The following ARMH3 variants were observed in gnomAD, a reference collection of about 807,000 sequenced individuals.
ARMH3 encodes armadillo like helical domain containing 3.
In ARMH3, 60 loss-of-function variants were observed where a neutral mutation model predicts 99.1. That is an observed-to-expected ratio of 0.61 (90% CI 0.49 to 0.75). The LOEUF is 0.75. ARMH3 is among the 30% of genes least tolerant of loss of function. ARMH3 has a pLI of 0.00. For missense variants in ARMH3, 679 were observed against 843.1 expected, an observed-to-expected ratio of 0.81 and a Z score of 2.41; for synonymous variants, 285 against 292.8, an observed-to-expected ratio of 0.97 and a Z score of 0.27.
At chr10:101,985,944 G>T (rs1307638154) in intron 19 of ARMH3, among the ~76,000 whole-genome samples, 8 of 151,962 alleles carry the variant, frequency 5.3e-5, no homozygotes, top group Non-Finnish European at 1.2e-4. Context: ...TTTGAACCTG[G>T]GGGGCGGAGG....
At chr10:101,860,620 G>C (rs1050731955) in intron 24 of ARMH3, among the ~76,000 whole-genome samples, 1 of 152,192 alleles carries the variant, frequency 6.6e-6, no homozygotes, top group Non-Finnish European at 1.5e-5. Flanking sequence ...TAATAATATG[G>C]ATTGCATATG....
chr10:101,942,479 T>C (rs1458070859), intron 22 of ARMH3, among the ~76,000 whole-genome samples: 1 of 152,264 alleles, frequency 6.6e-6, no homozygotes, highest in African/African-American at 2.4e-5. Context: ...ATGTCATTTA[T>C]GGTTCTGGGT....
intron 1 of ARMH3, among the ~76,000 whole-genome samples, chr10:102,053,968 T>A (rs1480555034): frequency 1.3e-5 from 2 of 152,210 alleles, no homozygotes; most frequent in African/African-American, 2.4e-5. Flanking sequence ...CAGTTCACCC[T>A]TATATATCCT....
In ARMH3 at chr10:101,994,894, G is replaced by A. The variant is rs184788672; in HGVS notation, c.1209+403C>T. ...TCTACTAAAATTACAAAAATTAGCC[G>A]GGCAAGGTGGCACTGCCTGTAATCC... On this transcript the variant is annotated intron_variant, in intron 16 of 25. Coordinates refer to ENST00000370033, the MANE Select transcript of ARMH3 (RefSeq NM_024541.3). 1.8e-3 allele frequency among the ~76,000 whole-genome samples: 272 copies of A among 152,216 alleles called. 3 individuals are homozygous for A. The highest frequency in any genetic ancestry group is 7.1e-4 in the Non-Finnish European group (48 of 68,012).
At chr10:101,916,295 C>T (rs1350083533) in intron 23 of ARMH3, among the ~76,000 whole-genome samples, 5 of 152,000 alleles carry the variant, frequency 3.3e-5, no homozygotes, top group African/African-American at 1.2e-4. Flanking sequence ...CTCAAAATAA[C>T]CCTCTCATCA....
chr10:102,010,301 C>CT (rs2066603424), intron 11 of ARMH3, among the ~76,000 whole-genome samples: 1 of 152,210 alleles, frequency 6.6e-6, no homozygotes, highest in Admixed American at 6.5e-5. Context: ...AAGCCTAGTA[C>CT]TTTTGTCCAA....
chr10:101,906,807 A>G (rs1159253684), intron 23 of ARMH3, among the ~76,000 whole-genome samples: 1 of 152,216 alleles, frequency 6.6e-6, no homozygotes, highest in Non-Finnish European at 1.5e-5. Flanking sequence ...CCATGCTGGT[A>G]GTAAAAACTG....
chr10:101,924,615 A>G (rs1843436167), intron 23 of ARMH3, among the ~76,000 whole-genome samples: 1 of 151,118 alleles, frequency 6.6e-6, no homozygotes, highest in South Asian at 2.1e-4. Flanking sequence ...TCGGCCTCCC[A>G]AAGTGTTGGG....
At chr10:102,040,165 T>C (rs902149895) in intron 1 of ARMH3, 40 bp from the exon 2 acceptor site, 4 of 1,490,210 alleles carry the variant, frequency 2.7e-6, no homozygotes, top group Non-Finnish European at 3.7e-6. Context: ...GTGAAAATAC[T>C]CAGTATGATA....
intron 24 of ARMH3, among the ~76,000 whole-genome samples, chr10:101,876,438 G>A (rs749511710): frequency 2.2e-4 from 33 of 151,956 alleles, no homozygotes; most frequent in Non-Finnish European, 4.4e-4. Flanking sequence ...AATTCAACAC[G>A]GGATCTCTGT....
At chr10:101,888,367 C>CA (rs1437213045) in intron 24 of ARMH3, among the ~76,000 whole-genome samples, 1 of 152,084 alleles carries the variant, frequency 6.6e-6, no homozygotes, top group Non-Finnish European at 1.5e-5. Flanking sequence ...GCTGGGCTCA[C>CA]AAAAGAGAAC....
At chr10:101,939,612 G>A (rs1220850070) in intron 23 of ARMH3, among the ~76,000 whole-genome samples, 1 of 152,202 alleles carries the variant, frequency 6.6e-6, no homozygotes, top group African/African-American at 2.4e-5. Flanking sequence ...TAGCATGCCT[G>A]AAAAGGGCTT....
chr10:101,898,542 A>AC (rs1214997675), intron 23 of ARMH3, among the ~76,000 whole-genome samples: 1 of 152,242 alleles, frequency 6.6e-6, no homozygotes, highest in Non-Finnish European at 1.5e-5. Context: ...TTCATTACTG[A>AC]GATACCTGAA....
intron 24 of ARMH3, among the ~76,000 whole-genome samples, chr10:101,853,469 G>A (rs1273657329): frequency 6.6e-6 from 1 of 152,184 alleles, no homozygotes; most frequent in Non-Finnish European, 1.5e-5. Flanking sequence ...CATGGTGAGG[G>A]CCACACTTAG....
At chr10:102,037,649 T>C (rs961150374) in intron 2 of ARMH3, among the ~76,000 whole-genome samples, 3 of 152,146 alleles carry the variant, frequency 2.0e-5, no homozygotes, top group African/African-American at 7.2e-5. Flanking sequence ...TATAGCTAGC[T>C]GCTGCCTTGA....
intron 15 of ARMH3, among the ~76,000 whole-genome samples, chr10:101,998,279 G>GGTTA (rs1847152919): frequency 6.6e-6 from 1 of 152,192 alleles, no homozygotes; most frequent in Non-Finnish European, 1.5e-5. Flanking sequence ...GAAAGGAAGA[G>GGTTA]GTTACCATTT....
At position 101,865,246 on chromosome 10, in the gene ARMH3, C is replaced by CA. The variant is rs529031144; in HGVS notation, c.1861-15355dup. ...AAAAAAACAAAAACAAACAAACAAA[C>CA]AAAAAGAGTAAGAAAACATTAAATA... On this transcript the variant is annotated intron_variant, in intron 24 of 25. Coordinates refer to ENST00000370033, the MANE Select transcript of ARMH3 (RefSeq NM_024541.3). 3.6e-3 allele frequency among the ~76,000 whole-genome samples: 540 copies of CA among 149,532 alleles called. 11 individuals carry two copies. The South Asian group carries it at 0.072, about 20-fold the overall frequency.
intron 19 of ARMH3, among the ~76,000 whole-genome samples, chr10:101,985,148 AAT>A (rs1440395103): frequency 1.3e-5 from 2 of 150,336 alleles, no homozygotes; most frequent in Non-Finnish European, 3.0e-5. Flanking sequence ...TACATATATA[AAT>A]ATAATGTATA....
At chr10:101,879,448 C>T (rs2067356512) in intron 24 of ARMH3, among the ~76,000 whole-genome samples, 1 of 151,660 alleles carries the variant, frequency 6.6e-6, no homozygotes, top group Non-Finnish European at 1.5e-5. Flanking sequence ...CTCCTGGGTT[C>T]AAGAGATTCT....
Sources: allele counts gnomAD v4.1 joint callset (sites outside exome capture counted in the v4.1 genomes callset), GRCh38; gene constraint gnomAD v4.1.1; transcripts MANE v1.5; gene names NCBI Gene and HGNC (gene_info 2026-07-23, HGNC 2026-07-21).